The following SLC6A6 variants were observed in gnomAD, a reference collection of about 807,000 sequenced individuals.
SLC6A6 encodes sodium- and chloride-dependent taurine transporter.
A neutral mutation model predicts 68.8 loss-of-function variants in SLC6A6; 16 were observed. The observed-to-expected ratio is 0.23, with a 90% CI of 0.16 to 0.35. The LOEUF (loss-of-function observed/expected upper bound fraction) is 0.35. Ranked by LOEUF, SLC6A6 falls within the 10% of genes least tolerant of loss-of-function variation. SLC6A6 has a pLI of 1.00. For missense variants in SLC6A6, 474 were observed against 802.8 expected, an observed-to-expected ratio of 0.59 and a Z score of 4.95; for synonymous variants, 312 against 315.4, an observed-to-expected ratio of 0.99 and a Z score of 0.12.
chr3:14,437,994 A>ATTTTT (rs34038422), intron 2 of SLC6A6, among the ~76,000 whole-genome samples: 10 of 118,276 alleles, frequency 8.5e-5, no homozygotes, highest in African/African-American at 9.9e-5. Flanking sequence ...CATCTGGCTA[A>ATTTTT]TTTTTTTTTT....
At chr3:14,426,719 G>A (rs771815761) in intron 2 of SLC6A6, among the ~76,000 whole-genome samples, 1 of 152,182 alleles carries the variant, frequency 6.6e-6, no homozygotes, top group Non-Finnish European at 1.5e-5. Context: ...GGTGGAATTA[G>A]GAGAACCAAG....
At chr3:14,448,038 T>C in intron 5 of SLC6A6, 1 of 1,281,780 alleles carries the variant, frequency 7.8e-7, no homozygotes, top group Non-Finnish European at 1.0e-6. Flanking sequence ...ACTCCTCCTT[T>C]CTGAGCCTCA....
intron 7 of SLC6A6, among the ~76,000 whole-genome samples, chr3:14,467,143 G>A (rs1700638804): frequency 1.3e-5 from 2 of 152,212 alleles, no homozygotes; most frequent in African/African-American, 2.4e-5. Context: ...TGACCTTGGG[G>A]AGGTGGAGAA....
intron 1 of SLC6A6, among the ~76,000 whole-genome samples, chr3:14,404,299 G>T: frequency 6.6e-6 from 1 of 151,958 alleles, no homozygotes; most frequent in East Asian, 1.9e-4. Flanking sequence ...CCTCCCTCTC[G>T]ACCAGGGAGT....
rs80195840 is a variant in SLC6A6, at chr3:14,465,324, G to C, written c.733-1192G>C. On this transcript the variant is annotated intron_variant, in intron 6 of 14. Coordinates refer to ENST00000622186, the MANE Select transcript of SLC6A6 (RefSeq NM_003043.6). ...AGTCCCCACCTCACACCTGATCTTG[G>C]CCTGTCTGGAACATGCAGTGTGACC... is the stretch of plus-strand genomic sequence containing the variant. Among the ~76,000 whole-genome samples, 9 of 152,304 alleles carry C rather than the reference G, an allele frequency of 5.9e-5. No individual in the cohort carries two copies. In the East Asian group the frequency reaches 1.7e-3, roughly 29 times the overall value.
At chr3:14,462,317 G>A (rs1382152527) in intron 6 of SLC6A6, among the ~76,000 whole-genome samples, 1 of 152,208 alleles carries the variant, frequency 6.6e-6, no homozygotes, top group Non-Finnish European at 1.5e-5. Context: ...TTTTGCCAAG[G>A]TTGAAGATGT....
At chr3:14,467,252 C>T (rs1700641200) in intron 7 of SLC6A6, among the ~76,000 whole-genome samples, 1 of 152,218 alleles carries the variant, frequency 6.6e-6, no homozygotes, top group Non-Finnish European at 1.5e-5. Context: ...ACCACCCTTC[C>T]CCCTGGACAG....
chr3:14,433,308 C>G (rs1699772173), intron 2 of SLC6A6, among the ~76,000 whole-genome samples: 1 of 152,210 alleles, frequency 6.6e-6, no homozygotes, highest in Admixed American at 6.5e-5. Context: ...TGACCCTGTT[C>G]CTTTCAAAGC....
chr3:14,437,745 T>C (rs1284221127), intron 2 of SLC6A6, among the ~76,000 whole-genome samples: 1 of 151,992 alleles, frequency 6.6e-6, no homozygotes, highest in Non-Finnish European at 1.5e-5. Flanking sequence ...TGAAATTTTG[T>C]GGTTTTTGAC....
intron 10 of SLC6A6, among the ~76,000 whole-genome samples, chr3:14,476,064 T>C (rs1700872390): frequency 6.6e-6 from 1 of 152,260 alleles, no homozygotes; most frequent in African/African-American, 2.4e-5. Context: ...TGAAAGGACA[T>C]CTGGGTCCAG....
chr3:14,447,708 A>G lies in SLC6A6; in HGVS notation c.491A>G (p.His164Arg). ...QKELPWAHCN[H>R]SWNTPHCMED... ...GAGCTGCCCTGGGCACACTGCAACC[A>G]CAGCTGGAACACACCTCACTGCATG... is the stretch of plus-strand genomic sequence containing the variant. Residue 164 changes from histidine to arginine, a missense_variant, in exon 5 of 15, where the codon CAC becomes CGC. Around this residue, in one of 2 missense-constraint regions of SLC6A6, gnomAD observed 280 missense variants for 533.1 expected, o/e 0.53. Coordinates refer to ENST00000622186, the MANE Select transcript of SLC6A6 (RefSeq NM_003043.6). The G allele has an allele frequency of 6.2e-7, 1 of 1,614,272 alleles. No individual in the cohort carries two copies. Among genetic ancestry groups the G allele is most frequent in the Non-Finnish European group, 8.5e-7 (1 of 1,180,042 alleles).
rs1370867471 is a variant in SLC6A6 at position 14,447,695 on chromosome 3, G to A, written c.478G>A (p.Ala160Thr). Reference protein sequence around the residue: ...FQSFQKELPWAHCNHSWNTPH... With the variant: ...FQSFQKELPWTHCNHSWNTPH... ...GTCCTTCCAGAAGGAGCTGCCCTGGGCACACTGCAACCACAGCTGGAACAC... is the reference window on the plus strand; with the variant it reads ...GTCCTTCCAGAAGGAGCTGCCCTGGACACACTGCAACCACAGCTGGAACAC... The change falls in exon 5 of 15, where the codon GCA (alanine) becomes ACA (threonine). Residue 160 changes from alanine (A) to threonine (T), a missense_variant. Transcript: ENST00000622186. The A allele has an allele frequency of 6.2e-7, 1 of 1,614,244 alleles. No individual in the cohort carries two copies. Among genetic ancestry groups the A allele is most frequent in the African/African-American group, 1.3e-5 (1 of 75,066 alleles).
In SLC6A6 at chr3:14,472,651, A is replaced by C. The variant is rs962335899; in HGVS notation, c.1209+334A>C. On this transcript the variant is annotated intron_variant, in intron 10 of 14. Coordinates refer to ENST00000622186, the MANE Select transcript of SLC6A6 (RefSeq NM_003043.6). This position sits in a 1 kb window ranked among gnomAD's most constrained non-coding sequence, Gnocchi z 4.5. Reference sequence around the variant, plus strand: ...GGGTTTGTGGTTACAGTCAAGCCACAAATGACGAATTGGAGGTCATGACTC... The same window carrying C: ...GGGTTTGTGGTTACAGTCAAGCCACCAATGACGAATTGGAGGTCATGACTC... Among the ~76,000 whole-genome samples the C allele has an allele frequency of 1.2e-4, 18 of 152,244 alleles. No homozygotes were observed. The highest frequency in any genetic ancestry group is 4.3e-4 in the African/African-American group (18 of 41,460).
In SLC6A6 at chr3:14,478,467, G is replaced by A. The variant is rs1700933733; in HGVS notation, c.1349G>A (p.Gly450Asp). 3 of 1,606,316 alleles carry A rather than the reference G, an allele frequency of 1.9e-6. No individual in the cohort carries two copies. The highest frequency in any genetic ancestry group is 2.6e-6 in the Non-Finnish European group (3 of 1,173,566). Residue 450 changes from glycine (G) to aspartate (D), a missense_variant and splice_region_variant, in exon 12 of 15, where the codon GGT becomes GAT. Around this residue, in one of 2 missense-constraint regions of SLC6A6, gnomAD observed 194 missense variants for 269.8 expected, o/e 0.72. Transcript: ENST00000622186. ...YLLGLTMVTE[G>D]GMYVFQLFDY... ...CTTCTGTGGTTTTTTTCTTCACAGG[G>A]TGGCATGTATGTGTTTCAGCTCTTT...
intron 5 of SLC6A6, among the ~76,000 whole-genome samples, chr3:14,454,571 C>T (rs1001722420): frequency 6.6e-6 from 1 of 152,144 alleles, no homozygotes; most frequent in Non-Finnish European, 1.5e-5. Context: ...ATGTCGGTTG[C>T]TCTGGCCCTG....
chr3:14,468,114 A>G lies in SLC6A6; in HGVS notation c.998A>G (p.Asn333Ser), dbSNP rs756442467. ...GACTGTATGCTGCTGGGATGCCTGA[A>G]CAGTGGTACCAGTTTTGTGTCTGGC... ...YRDCMLLGCL[N>S]SGTSFVSGFA... Residue 333 changes from asparagine (N) to serine (S), a missense_variant, in exon 9 of 15, where the codon AAC becomes AGC. Asn to Ser is a conservative substitution (Grantham distance 46). This residue lies in a region of SLC6A6 where 280 missense variants were observed against 533.1 expected (regional missense o/e 0.53). Coordinates refer to ENST00000622186, the MANE Select transcript of SLC6A6 (RefSeq NM_003043.6). The surrounding 1 kb of genome is among the most constrained non-coding windows in gnomAD (Gnocchi z 4.5). 1 of 1,614,162 alleles carries G rather than the reference A, an allele frequency of 6.2e-7. No individual in the cohort carries two copies. The highest frequency in any genetic ancestry group is 1.1e-5 in the South Asian group (1 of 91,080).
At chr3:14,449,015 A>G (rs1213710966) in intron 5 of SLC6A6, among the ~76,000 whole-genome samples, 1 of 152,196 alleles carries the variant, frequency 6.6e-6, no homozygotes, top group Admixed American at 6.5e-5. Flanking sequence ...TCACGAGATG[A>G]CAGTCCCTGT....
rs1420630846 is a variant in SLC6A6, at chr3:14,416,401, CTT to C, written c.-53-9_-53-8del. On this transcript the variant is annotated splice_polypyrimidine_tract_variant and intron_variant, in intron 1 of 14. Transcript: ENST00000622186. ...TCTTTCTTCCGTCTTCGCTTCCTCT[CTT>C]TGCAATAGATCCAGAACCAGAACCA... The C allele has an allele frequency of 5.0e-6, 2 of 398,632 alleles. No individual in the cohort carries two copies. The highest frequency in any genetic ancestry group is 2.1e-5 in the African/African-American group (1 of 48,626). 24.7% of individuals were successfully genotyped at this position (398,632 alleles called of 1,614,324 possible).
At chr3:14,434,609 C>G (rs1018710359) in intron 2 of SLC6A6, among the ~76,000 whole-genome samples, 1 of 152,220 alleles carries the variant, frequency 6.6e-6, no homozygotes, top group African/African-American at 2.4e-5. Context: ...GCCTGCATGA[C>G]CCAGCTTTCT....
Sources: allele counts gnomAD v4.1 joint callset (sites outside exome capture counted in the v4.1 genomes callset), GRCh38; gene constraint gnomAD v4.1.1; regional missense constraint gnomAD v4.1.1; non-coding constraint Gnocchi (gnomAD v3.1); transcripts MANE v1.5; gene names NCBI Gene and HGNC (gene_info 2026-07-23, HGNC 2026-07-21).